VPS13D: variants seen among roughly 807,000 people sequenced by gnomAD.
VPS13D encodes the protein intermembrane lipid transfer protein VPS13D.
Under a neutral mutation model 461.9 loss-of-function variants are expected in VPS13D, and 187 were observed. The ratio of observed to expected loss-of-function variants is 0.40; its 90% CI spans 0.36 to 0.46. The LOEUF (loss-of-function observed/expected upper bound fraction) is 0.46. Ranked by LOEUF, VPS13D falls within the 20% of genes least tolerant of loss-of-function variation. VPS13D has a pLI of 0.60. For missense variants in VPS13D, 4,711 were observed against 5,364.9 expected, an observed-to-expected ratio of 0.88 and a Z score of 3.81; for synonymous variants, 1,951 against 1,986.3, an observed-to-expected ratio of 0.98 and a Z score of 0.47.
chr1:12,246,562 T>A (rs907062509), intron 5 of VPS13D, among the ~76,000 whole-genome samples: 1 of 152,216 alleles, frequency 6.6e-6, no homozygotes, highest in African/African-American at 2.4e-5. Flanking sequence ...ATACGTGACC[T>A]GTACATATAC....
chr1:12,288,438 AGTCT>A (rs1259321609), intron 22 of VPS13D, 125 bp downstream of exon 22: 2 of 803,508 alleles, frequency 2.5e-6, no homozygotes, highest in Non-Finnish European at 2.1e-6. Flanking sequence ...TGTGGTTATT[AGTCT>A]GGCCAGGATT....
chr1:12,460,170 A>G, intron 66 of VPS13D, 31 bp from the exon 67 acceptor site: 1 of 1,510,450 alleles, frequency 6.6e-7, no homozygotes, highest in Non-Finnish European at 8.9e-7. Context: ...TGTCCTCGTC[A>G]GGTTACAACA....
intron 60 of VPS13D, 31 bp from the exon 61 acceptor site, chr1:12,400,150 T>C (rs1644556009): frequency 6.2e-7 from 1 of 1,605,686 alleles, no homozygotes; most frequent in South Asian, 1.1e-5. Flanking sequence ...TCTGTTTTTG[T>C]TTTTGCTTTG....
intron 57 of VPS13D, among the ~76,000 whole-genome samples, chr1:12,381,055 G>T (rs1644265975): frequency 6.6e-6 from 1 of 152,028 alleles, no homozygotes; most frequent in African/African-American, 2.4e-5. Context: ...TCTTTTTTTG[G>T]TGTTTGTTGT....
intron 60 of VPS13D, 64 bp from the exon 61 acceptor site, chr1:12,400,117 A>G: frequency 6.3e-7 from 1 of 1,577,608 alleles, no homozygotes; most frequent in East Asian, 2.3e-5. Flanking sequence ...ACTCAAGCGT[A>G]AAAATGAAAA....
intron 2 of VPS13D, among the ~76,000 whole-genome samples, chr1:12,236,204 G>C (rs927834556): frequency 2.0e-5 from 3 of 152,192 alleles, no homozygotes; most frequent in African/African-American, 7.2e-5. Flanking sequence ...ACTGGTGTTA[G>C]TATGGTACCC....
At position 12,327,626 on chromosome 1, in the gene VPS13D, T is replaced by C. The variant is rs777742706; in HGVS notation, c.7991-22T>C. ...TAGCTGTGGAAGCTGGTAGAACTGATCACTTCTTAATTTCTTTGAAGGCCA... is the reference window on the plus strand; with the variant it reads ...TAGCTGTGGAAGCTGGTAGAACTGACCACTTCTTAATTTCTTTGAAGGCCA... On this transcript the variant is annotated intron_variant, in intron 35 of 69. Coordinates refer to ENST00000620676, the MANE Select transcript of VPS13D (RefSeq NM_015378.4). The C allele has an allele frequency of 2.5e-6, 4 of 1,613,280 alleles. 1 individual carries two copies. In the South Asian group the frequency reaches 4.4e-5, roughly 18 times the overall value.
chr1:12,394,268 A>G (rs760199049), intron 60 of VPS13D, among the ~76,000 whole-genome samples: 2 of 152,064 alleles, frequency 1.3e-5, no homozygotes, highest in East Asian at 1.9e-4. Flanking sequence ...TGTCCATTCA[A>G]CCTAGAAGTT....
At chr1:12,386,669 A>G (rs559563218) in intron 60 of VPS13D, among the ~76,000 whole-genome samples, 1 of 152,334 alleles carries the variant, frequency 6.6e-6, no homozygotes, top group Admixed American at 6.5e-5. Context: ...AACAAACTAA[A>G]GAACTGGACT....
At chr1:12,411,087 CG>C (rs1377536922) in intron 63 of VPS13D, among the ~76,000 whole-genome samples, 3 of 152,062 alleles carry the variant, frequency 2.0e-5, no homozygotes, top group African/African-American at 7.2e-5. Context: ...CACCGTTACA[CG>C]GGAGTTCAGC....
chr1:12,431,621 T>C (rs190562110), intron 65 of VPS13D, among the ~76,000 whole-genome samples: 1 of 151,964 alleles, frequency 6.6e-6, no homozygotes, highest in African/African-American at 2.4e-5. Flanking sequence ...CTGAGTTCCA[T>C]GAGTACAAGG....
intron 56 of VPS13D, among the ~76,000 whole-genome samples, chr1:12,379,217 T>C (rs532565499): frequency 1.3e-5 from 2 of 152,380 alleles, no homozygotes; most frequent in Non-Finnish European, 2.9e-5. Context: ...AGTTGCCGTT[T>C]TGAGAATGCA....
rs777605069 is a variant in VPS13D, at chr1:12,386,263, A to G, written c.11563A>G (p.Thr3855Ala). 41 of 1,613,796 alleles carry G rather than the reference A, an allele frequency of 2.5e-5. No homozygotes were observed. Among genetic ancestry groups the G allele is most frequent in the Non-Finnish European group, 3.1e-5 (36 of 1,179,916 alleles). The change falls in exon 60 of 70, where the codon ACA (threonine) becomes GCA (alanine). Residue 3855 changes from threonine to alanine, a missense_variant. Physicochemically the swap from Thr to Ala is moderately conservative, Grantham distance 58. This residue lies in a region of VPS13D where 4,411 missense variants were observed against 4,937.8 expected (regional missense o/e 0.89). Coordinates refer to ENST00000620676, the MANE Select transcript of VPS13D (RefSeq NM_015378.4). ...AGAAGAACTGGTCTTTGCAAGTCTT[A>G]CAGGAATCAATGTGCACTATACACA... ...VPEELVFASL[T>A]GINVHYTQLA...
Position 12,451,974 on chromosome 1 carries a change from G to C in VPS13D, c.12334-4024G>C, listed in dbSNP as rs1645268655. The stretch of plus-strand genomic sequence containing the variant: ...TTTGTATCCCCATTTTGAAAAGGAG[G>C]AAAACAGAGGCCCGCAAAGGTTACT... On this transcript the variant is annotated intron_variant, in intron 65 of 69. Coordinates refer to ENST00000620676, the MANE Select transcript of VPS13D (RefSeq NM_015378.4). Among the ~76,000 whole-genome samples the C allele has an allele frequency of 2.0e-5, 3 of 152,194 alleles. No homozygotes were observed. In the South Asian group the frequency reaches 6.2e-4, roughly 32 times the overall value.
chr1:12,325,668 T>C (rs146468404), intron 35 of VPS13D, among the ~76,000 whole-genome samples: 1 of 152,212 alleles, frequency 6.6e-6, no homozygotes, highest in Non-Finnish European at 1.5e-5. Flanking sequence ...TTATAGTCTT[T>C]TAAAAATATT....
intron 60 of VPS13D, among the ~76,000 whole-genome samples, chr1:12,391,190 C>T (rs1035283917): frequency 5.9e-5 from 9 of 152,210 alleles, no homozygotes; most frequent in African/African-American, 1.7e-4. Context: ...ATGCACTGCT[C>T]GAAGTTCTGC....
chr1:12,489,685 G>A (rs965619495), intron 67 of VPS13D, among the ~76,000 whole-genome samples: 7 of 152,142 alleles, frequency 4.6e-5, no homozygotes, highest in African/African-American at 1.2e-4. Flanking sequence ...AGGGTTCCTC[G>A]TGTGCACCCA....
chr1:12,419,976 G>T (rs1644842820), intron 65 of VPS13D, among the ~76,000 whole-genome samples: 1 of 152,182 alleles, frequency 6.6e-6, no homozygotes, highest in South Asian at 2.1e-4. Context: ...TAGAGTAAAA[G>T]TATGGTATTA....
At position 12,495,299 on chromosome 1, in the gene VPS13D, G is replaced by A. The variant is rs574907488; in HGVS notation, c.12663-2201G>A. Among the ~76,000 whole-genome samples, 30 of 151,752 alleles carry A rather than the reference G, an allele frequency of 2.0e-4. No homozygotes were observed. Among genetic ancestry groups the A allele is most frequent in the African/African-American group, 7.3e-4 (30 of 41,354 alleles). ...TGAATAGCTGGGACTACAGGCGCCC[G>A]CCACTCCCCCGCCCACCCCAGCTAA... On this transcript the variant is annotated intron_variant, in intron 67 of 69. Transcript: ENST00000620676. The surrounding 1 kb of genome is among the most constrained non-coding windows in gnomAD (Gnocchi z 4.0).
Sources: allele counts gnomAD v4.1 joint callset (sites outside exome capture counted in the v4.1 genomes callset), GRCh38; gene constraint gnomAD v4.1.1; regional missense constraint gnomAD v4.1.1; non-coding constraint Gnocchi (gnomAD v3.1); transcripts MANE v1.5; gene names NCBI Gene and HGNC (gene_info 2026-07-23, HGNC 2026-07-21).